INSYN2A: variants seen among roughly 807,000 people sequenced by gnomAD.
The protein encoded by INSYN2A is family with sequence similarity 196 member A.
Under a neutral mutation model 39.4 loss-of-function variants are expected in INSYN2A, and 17 were observed. The ratio of observed to expected loss-of-function variants is 0.43; its 90% CI spans 0.30 to 0.65. The LOEUF (loss-of-function observed/expected upper bound fraction) is 0.65. Ranked by LOEUF, INSYN2A falls within the 30% of genes least tolerant of loss-of-function variation. The pLI is 0.14. For synonymous variants in INSYN2A, 255 were observed against 265.7 expected, an observed-to-expected ratio of 0.96 and a Z score of 0.39; for missense variants, 595 against 631.2, an observed-to-expected ratio of 0.94 and a Z score of 0.61.
intron 2 of INSYN2A, among the ~76,000 whole-genome samples, chr10:127,189,618 T>C (rs1241975643): frequency 6.6e-6 from 1 of 152,230 alleles, no homozygotes. Context: ...AACAACTACC[T>C]TTAAAACTAA....
In INSYN2A at chr10:127,175,630, CGGT is replaced by C; in HGVS notation, c.763_765del (p.Thr255del). 2 of 1,613,198 alleles carry C rather than the reference CGGT, an allele frequency of 1.2e-6. No homozygotes were observed. The highest frequency in any genetic ancestry group is 8.5e-7 in the Non-Finnish European group (1 of 1,179,946). ...CTGGCACTGAGGGCAGGTGCGTAAA[CGGT>C]GGCAACCTCCGTTTTAAACACCCTC... is the stretch of plus-strand genomic sequence containing the variant. On this transcript the variant is annotated inframe_deletion, in exon 4 of 6. Transcript: ENST00000522781. This position sits in a 1 kb window ranked among gnomAD's most constrained non-coding sequence, Gnocchi z 6.3.
At chr10:127,141,863 C>T (rs375085939) in intron 5 of INSYN2A, among the ~76,000 whole-genome samples, 5 of 152,176 alleles carry the variant, frequency 3.3e-5, no homozygotes, top group Admixed American at 3.3e-4. Flanking sequence ...AGTCTGTGGC[C>T]TGGTTCTATT....
In INSYN2A at chr10:127,138,003, T is replaced by C. The variant is rs1442748855; in HGVS notation, c.1274A>G (p.Lys425Arg). The change falls in exon 6 of 6, where the codon AAG becomes AGG. Residue 425 changes from lysine to arginine, a missense_variant. This residue lies in a region of INSYN2A where 117 missense variants were observed against 163.8 expected (regional missense o/e 0.71). Transcript: ENST00000522781. ...CGGCTGGAGTTTGTCTTCTTGCTGC[T>C]TAAAATCCAGCTCCACACTAGAAAA... ...CIIYSVELDF[K>R]QQEDKLQPVL... is the part of the protein sequence containing the mutation. The C allele has an allele frequency of 6.2e-7, 1 of 1,610,000 alleles. No homozygotes were observed. Among genetic ancestry groups the C allele is most frequent in the East Asian group, 2.2e-5 (1 of 44,866 alleles).
chr10:127,161,631 C>T (rs1311256061), intron 4 of INSYN2A, among the ~76,000 whole-genome samples: 2 of 152,306 alleles, frequency 1.3e-5, no homozygotes, highest in African/African-American at 4.8e-5. Flanking sequence ...GTTGACACCT[C>T]TCCAGCTGCC....
At chr10:127,171,476 T>C (rs1313932003) in intron 4 of INSYN2A, among the ~76,000 whole-genome samples, 1 of 152,042 alleles carries the variant, frequency 6.6e-6, no homozygotes, top group African/African-American at 2.4e-5. Context: ...TTAAGTATAG[T>C]GTGGAAATGT....
At chr10:127,156,371 A>G (rs1486362987) in intron 4 of INSYN2A, among the ~76,000 whole-genome samples, 3 of 152,066 alleles carry the variant, frequency 2.0e-5, no homozygotes, top group African/African-American at 7.2e-5. Flanking sequence ...TCTGCACCAC[A>G]TGTAATTGGC....
chr10:127,185,317 A>T (rs993284367), intron 2 of INSYN2A, among the ~76,000 whole-genome samples: 2 of 152,094 alleles, frequency 1.3e-5, no homozygotes, highest in Non-Finnish European at 2.9e-5. Context: ...TCACAAGGTC[A>T]GGAGATCAAG....
rs989910874 is a variant in INSYN2A at position 127,176,086 on chromosome 10, C to T, written c.310G>A (p.Gly104Ser). Residue 104 changes from glycine to serine, a missense_variant, in exon 4 of 6, where the codon GGC becomes AGC. Physicochemically the swap from Gly to Ser is moderately conservative, Grantham distance 56. Transcript: ENST00000522781. This position sits in a 1 kb window ranked among gnomAD's most constrained non-coding sequence, Gnocchi z 4.4. ...RSIPNVTKST[G>S]VQTSPDLKKC... is the part of the protein sequence containing the mutation. Reference sequence around the variant, plus strand: ...TTAAGGTCGGGCGAGGTCTGCACGCCTGTGCTCTTGGTGACGTTGGGGATG... The same window carrying T: ...TTAAGGTCGGGCGAGGTCTGCACGCTTGTGCTCTTGGTGACGTTGGGGATG... 1 of 1,614,144 alleles carries T rather than the reference C, an allele frequency of 6.2e-7. No individual in the cohort carries two copies. The highest frequency in any genetic ancestry group is 8.5e-7 in the Non-Finnish European group (1 of 1,180,034).
intron 4 of INSYN2A, among the ~76,000 whole-genome samples, chr10:127,161,084 A>G (rs1164470492): frequency 6.6e-6 from 1 of 152,176 alleles, no homozygotes; most frequent in African/African-American, 2.4e-5. Flanking sequence ...TGAGCAGTAG[A>G]TTTGGCTTGT....
At chr10:127,144,508 G>T (rs1358517359) in intron 5 of INSYN2A, among the ~76,000 whole-genome samples, 1 of 152,192 alleles carries the variant, frequency 6.6e-6, no homozygotes, top group Non-Finnish European at 1.5e-5. Flanking sequence ...CTATTTGTTT[G>T]TTGAATTACA....
intron 2 of INSYN2A, among the ~76,000 whole-genome samples, chr10:127,183,494 AT>A (rs2055933679): frequency 6.6e-6 from 1 of 152,208 alleles, no homozygotes; most frequent in Non-Finnish European, 1.5e-5. Context: ...AGACTTGAGC[AT>A]TTCTTGTAAT....
intron 5 of INSYN2A, among the ~76,000 whole-genome samples, chr10:127,139,655 G>A (rs1019707899): frequency 6.6e-6 from 1 of 152,198 alleles, no homozygotes; most frequent in Non-Finnish European, 1.5e-5. Flanking sequence ...GTGATGTGGT[G>A]CACTAGAAGG....
chr10:127,140,640 G>GTTTGACACACCGAC (rs2051146168), intron 5 of INSYN2A, among the ~76,000 whole-genome samples: 1 of 151,026 alleles, frequency 6.6e-6, no homozygotes, highest in Non-Finnish European at 1.5e-5. Context: ...GACACACCAA[G>GTTTGACACACCGAC]TCTCTGGGTT....
intron 2 of INSYN2A, among the ~76,000 whole-genome samples, chr10:127,187,756 GAGAA>G (rs1201428041): frequency 1.8e-5 from 2 of 113,830 alleles, no homozygotes; most frequent in Admixed American, 9.0e-5. Flanking sequence ...GAGAGAAAGA[GAGAA>G]AGAAAGAAAA....
intron 2 of INSYN2A, among the ~76,000 whole-genome samples, chr10:127,179,648 G>A (rs1179438183): frequency 1.3e-5 from 2 of 152,004 alleles, no homozygotes; most frequent in East Asian, 3.9e-4. Context: ...GGGGGTGGAG[G>A]GTAAGGCTTA....
At chr10:127,170,352 C>T (rs2054456056) in intron 4 of INSYN2A, among the ~76,000 whole-genome samples, 1 of 152,206 alleles carries the variant, frequency 6.6e-6, no homozygotes, top group African/African-American at 2.4e-5. Flanking sequence ...CTACCCCAAG[C>T]CTGCAGGTAA....
intron 5 of INSYN2A, among the ~76,000 whole-genome samples, chr10:127,151,408 C>T (rs913759414): frequency 6.6e-6 from 1 of 152,122 alleles, no homozygotes; most frequent in Non-Finnish European, 1.5e-5. Context: ...AGTGTAACTT[C>T]TGTTTGTAGC....
Position 127,175,098 on chromosome 10 carries a change from C to T in INSYN2A, c.1184+114G>A. On this transcript the variant is annotated intron_variant, in intron 4 of 5. Coordinates refer to ENST00000522781, the MANE Select transcript of INSYN2A (RefSeq NM_001039762.3). The surrounding 1 kb of genome is among the most constrained non-coding windows in gnomAD (Gnocchi z 6.3). ...GCTCGCCACGCCCTTAGACTATGAC[C>T]TGTTTACGGAAATGCTGGCTTTAGT... The T allele has an allele frequency of 6.6e-6, 6 of 908,896 alleles. No individual in the cohort carries two copies. Among genetic ancestry groups the T allele is most frequent in the Non-Finnish European group, 1.0e-5 (6 of 578,978 alleles). The allele number at this position is 908,896 out of a possible 1,614,324, so 56.3% of individuals were successfully genotyped here. A position where few individuals can be genotyped will look rare whatever the true frequency, so the allele number is the denominator to read the frequency against.
At position 127,176,633 on chromosome 10, in the gene INSYN2A, G is replaced by C. The variant is rs1474980939; in HGVS notation, c.-5-233C>G. Among the ~76,000 whole-genome samples, 1 of 152,160 alleles carries C rather than the reference G, an allele frequency of 6.6e-6. No individual in the cohort carries two copies. The highest frequency in any genetic ancestry group is 1.5e-5 in the Non-Finnish European group (1 of 68,044). On this transcript the variant is annotated intron_variant, in intron 3 of 5. Transcript: ENST00000522781. The surrounding 1 kb of genome is among the most constrained non-coding windows in gnomAD (Gnocchi z 4.4). ...TTGCTTTTCCAGGTGGGATACACTC[G>C]CTTTCCTTTTGACAGTAATGCATGT... is the stretch of plus-strand genomic sequence containing the variant.
Sources: allele counts gnomAD v4.1 joint callset (sites outside exome capture counted in the v4.1 genomes callset), GRCh38; gene constraint gnomAD v4.1.1; regional missense constraint gnomAD v4.1.1; non-coding constraint Gnocchi (gnomAD v3.1); transcripts MANE v1.5; gene names NCBI Gene and HGNC (gene_info 2026-07-23, HGNC 2026-07-21).